Variants in DPP10 observed in about 807,000 individuals in gnomAD.
The protein encoded by DPP10 is inactive dipeptidyl peptidase 10.
DPP10 carries 33 observed loss-of-function variants against 120.9 expected under a neutral mutation model. The observed-to-expected ratio is 0.27, with a 90% CI of 0.21 to 0.37. The LOEUF (loss-of-function observed/expected upper bound fraction) is 0.37, where lower values mean the gene tolerates loss of function less well. Among genes scored for constraint, DPP10 ranks in the 10% least tolerant of loss-of-function variants. The pLI, the probability that DPP10 is intolerant of heterozygous loss-of-function variation, is 1.00. For missense variants in DPP10, 816 were observed against 942.8 expected, an observed-to-expected ratio of 0.87 and a Z score of 1.76; for synonymous variants, 337 against 326.1, an observed-to-expected ratio of 1.03 and a Z score of -0.36.
chr2:114,698,722 C>T (rs1456885452), intron 1 of DPP10, among the ~76,000 whole-genome samples: 2 of 152,034 alleles, frequency 1.3e-5, no homozygotes, highest in Non-Finnish European at 2.9e-5. Context: ...TTAGAAGTGA[C>T]TCATGGTGTG....
intron 1 of DPP10, among the ~76,000 whole-genome samples, chr2:114,739,244 T>C (rs1050074049): frequency 6.6e-6 from 1 of 152,178 alleles, no homozygotes; most frequent in East Asian, 1.9e-4. Flanking sequence ...AACACCTCTT[T>C]CAACCCCTTT....
intron 21 of DPP10, among the ~76,000 whole-genome samples, chr2:115,827,390 G>A (rs1221797675): frequency 1.2e-5 from 1 of 82,486 alleles, no homozygotes; most frequent in Non-Finnish European, 2.6e-5. Context: ...GAGGGCAACT[G>A]TGTGTGTGTG....
intron 1 of DPP10, among the ~76,000 whole-genome samples, chr2:114,936,845 A>T (rs1306508177): frequency 2.0e-5 from 3 of 152,176 alleles, no homozygotes; most frequent in African/African-American, 7.2e-5. Flanking sequence ...ATCATTAGTA[A>T]TACTGAGCAT....
chr2:114,733,053 A>C (rs891709244), intron 1 of DPP10, among the ~76,000 whole-genome samples: 34 of 152,202 alleles, frequency 2.2e-4, no homozygotes, highest in African/African-American at 8.2e-4. Context: ...AGTAAAGAAG[A>C]GGACACATTG....
intron 3 of DPP10, among the ~76,000 whole-genome samples, chr2:115,390,248 T>G (rs574021595): frequency 1.3e-5 from 2 of 152,336 alleles, no homozygotes; most frequent in East Asian, 3.9e-4. Flanking sequence ...GCTTGTTGAC[T>G]ACACACAAAC....
intron 1 of DPP10, among the ~76,000 whole-genome samples, chr2:114,455,156 T>TTTTGTGTGTG (rs1553443770): frequency 0.021 from 3,134 of 147,478 alleles, 120 homozygotes; most frequent in African/African-American, 0.073. Context: ...TTTCTTTCTA[T>TTTTGTGTGTG]TGTGTGTGTG....
chr2:115,549,845 G>T (rs1253949900), intron 5 of DPP10, among the ~76,000 whole-genome samples: 1 of 152,078 alleles, frequency 6.6e-6, no homozygotes, highest in African/African-American at 2.4e-5. Context: ...CACCGTCCAT[G>T]CTCCAGGAAC....
intron 5 of DPP10, among the ~76,000 whole-genome samples, chr2:115,680,525 G>A (rs1021392293): frequency 1.3e-5 from 2 of 151,688 alleles, no homozygotes; most frequent in African/African-American, 4.8e-5. Flanking sequence ...GTTACTTGGG[G>A]AATAAAAAAC....
intron 1 of DPP10, among the ~76,000 whole-genome samples, chr2:115,296,675 C>T (rs757059945): frequency 2.6e-5 from 4 of 152,088 alleles, no homozygotes; most frequent in Non-Finnish European, 5.9e-5. Flanking sequence ...TAGCATCTTG[C>T]ACCACAGTGC....
intron 3 of DPP10, among the ~76,000 whole-genome samples, chr2:115,394,640 A>G (rs1407445759): frequency 6.6e-6 from 1 of 152,188 alleles, no homozygotes. Context: ...AAAATAGCCC[A>G]TATCAGATGC....
chr2:115,806,304 G>T (rs1408418749), intron 19 of DPP10, among the ~76,000 whole-genome samples: 3 of 152,006 alleles, frequency 2.0e-5, no homozygotes, highest in African/African-American at 7.2e-5. Flanking sequence ...TCAAAAAACT[G>T]GTGTTATTTG....
rs118013926 is a variant in DPP10, at chr2:115,019,125, G to C, written c.61-290114G>C. On this transcript the variant is annotated intron_variant, in intron 1 of 25. Coordinates refer to ENST00000410059, the MANE Select transcript of DPP10 (RefSeq NM_020868.6). Reference sequence around the variant, plus strand: ...CACCGACACCAAGCCCAGCAATATGGGGAGCGGTGCAAGGACTGGTGAGAT... The same window carrying C: ...CACCGACACCAAGCCCAGCAATATGCGGAGCGGTGCAAGGACTGGTGAGAT... Among the ~76,000 whole-genome samples the C allele has an allele frequency of 1.9e-3, 282 of 151,968 alleles. 2 individuals carry two copies. In the East Asian group the frequency reaches 0.028, roughly 15 times the overall value.
intron 5 of DPP10, among the ~76,000 whole-genome samples, chr2:115,686,231 G>T (rs2090981796): frequency 6.6e-6 from 1 of 152,020 alleles, no homozygotes; most frequent in Non-Finnish European, 1.5e-5. Context: ...TAGTGATGAA[G>T]AGTTGTCCTG....
chr2:115,151,552 C>A (rs2051557956), intron 1 of DPP10, among the ~76,000 whole-genome samples: 1 of 151,480 alleles, frequency 6.6e-6, no homozygotes, highest in Non-Finnish European at 1.5e-5. Flanking sequence ...GGATTACAGG[C>A]ACCTACCACC....
At chr2:115,756,580 A>C (rs1420167127) in intron 11 of DPP10, among the ~76,000 whole-genome samples, 1 of 152,118 alleles carries the variant, frequency 6.6e-6, no homozygotes, top group East Asian at 1.9e-4. Context: ...ATTAAAGATA[A>C]ATTTATTTAG....
At chr2:115,308,758 A>G (rs1213149910) in intron 1 of DPP10, among the ~76,000 whole-genome samples, 2 of 150,870 alleles carry the variant, frequency 1.3e-5, no homozygotes, top group South Asian at 2.1e-4. Flanking sequence ...TGTTTGGTTA[A>G]CAAATGTGCG....
chr2:115,251,712 A>T (rs1197933696), intron 1 of DPP10, among the ~76,000 whole-genome samples: 4 of 152,222 alleles, frequency 2.6e-5, no homozygotes, highest in African/African-American at 9.6e-5. Flanking sequence ...ATTATTAATG[A>T]TTTATTGAAT....
intron 5 of DPP10, among the ~76,000 whole-genome samples, chr2:115,650,816 C>G (rs931335316): frequency 6.6e-6 from 1 of 151,008 alleles, no homozygotes; most frequent in African/African-American, 2.4e-5. Flanking sequence ...GGAGGAGGAG[C>G]GGAAAAGGAG....
chr2:115,475,739 A>G lies in DPP10; in HGVS notation c.272-23771A>G, dbSNP rs1009821361. 3.9e-5 allele frequency among the ~76,000 whole-genome samples: 6 copies of G among 152,196 alleles called. No individual in the cohort carries two copies. The East Asian group carries it at 1.2e-3, about 29-fold the overall frequency. On this transcript the variant is annotated intron_variant, in intron 3 of 25. Transcript: ENST00000410059. ...GAGTGGAGCTGCCCAAGGCTTTGGGAGCCCTCCTTTTGCGTCAGTGTGACC... is the reference window on the plus strand; with the variant it reads ...GAGTGGAGCTGCCCAAGGCTTTGGGGGCCCTCCTTTTGCGTCAGTGTGACC...
Sources: gnomAD v4.1 joint callset for allele counts (sites outside exome capture counted in the v4.1 genomes callset) on GRCh38, gnomAD v4.1.1 for gene constraint, MANE v1.5 for transcripts, NCBI Gene and HGNC (gene_info 2026-07-23, HGNC 2026-07-21) for gene names.